The following CSGALNACT1 variants were observed in gnomAD, a reference collection of about 807,000 sequenced individuals.
The protein encoded by CSGALNACT1 is chondroitin sulfate N-acetylgalactosaminyltransferase 1.
Under a neutral mutation model 51.0 loss-of-function variants are expected in CSGALNACT1, and 52 were observed. The ratio of observed to expected loss-of-function variants is 1.02; its 90% confidence interval spans 0.82 to 1.29. CSGALNACT1 has a LOEUF of 1.29. Among genes scored for constraint, CSGALNACT1 ranks in the 50% most tolerant of loss-of-function variants. The pLI is 0.00. For missense variants in CSGALNACT1, 935 were observed against 679.2 expected (o/e 1.38, Z -4.19); for synonymous variants, 341 against 254.4 (o/e 1.34, Z -3.24).
At chr8:19,488,244 G>C (rs113491239) in intron 4 of CSGALNACT1, among the ~76,000 whole-genome samples, 2 of 151,568 alleles carry the variant, frequency 1.3e-5, no homozygotes, top group Non-Finnish European at 2.9e-5. Flanking sequence ...CAGTTACTCC[G>C]GAGGCTGAGG....
intron 3 of CSGALNACT1, among the ~76,000 whole-genome samples, chr8:19,509,547 G>T (rs112143362): frequency 1.3e-5 from 2 of 149,050 alleles, no homozygotes; most frequent in African/African-American, 5.0e-5. Context: ...GCTTGAACCC[G>T]GGAGGCAGAG....
rs184783136 is a variant in CSGALNACT1 at position 19,457,963 on chromosome 8, T to C, written c.851+463A>G. ...GGATTCAATGCATTGCAGCCACCACTAGAACAGGACAGCAGGTGAAGGCAG... is the reference window on the plus strand; with the variant it reads ...GGATTCAATGCATTGCAGCCACCACCAGAACAGGACAGCAGGTGAAGGCAG... On this transcript the variant is annotated intron_variant, in intron 5 of 9. Coordinates refer to ENST00000454498, the Ensembl canonical transcript of CSGALNACT1. 2.4e-5 allele frequency: 12 copies of C among 493,852 alleles called. No individual in the cohort carries two copies. In the Admixed American group the frequency reaches 3.1e-4, roughly 13 times the overall value. The allele number at this position is 493,852 out of a possible 1,614,324, so 30.6% of individuals were successfully genotyped here.
chr8:19,534,301 G>A (rs994011455), intron 3 of CSGALNACT1, among the ~76,000 whole-genome samples: 1 of 151,930 alleles, frequency 6.6e-6, no homozygotes, highest in Non-Finnish European at 1.5e-5. Flanking sequence ...AAAAAATACA[G>A]AAATTAGCCA....
intron 5 of CSGALNACT1, among the ~76,000 whole-genome samples, chr8:19,445,058 G>A (rs879831800): frequency 1.2e-4 from 19 of 152,196 alleles, no homozygotes; most frequent in Non-Finnish European, 2.1e-4. Context: ...AGCAATGGCA[G>A]AGATTTAAAA....
At chr8:19,652,171 A>T (rs939810022) in intron 1 of CSGALNACT1, among the ~76,000 whole-genome samples, 2 of 151,898 alleles carry the variant, frequency 1.3e-5, no homozygotes, top group Non-Finnish European at 1.5e-5. Flanking sequence ...GGCTGCTCTT[A>T]AACTTTAGGG....
chr8:19,561,455 T>C (rs1011598935), intron 3 of CSGALNACT1, among the ~76,000 whole-genome samples: 24 of 152,210 alleles, frequency 1.6e-4, no homozygotes, highest in Admixed American at 1.5e-3. Flanking sequence ...GGTTGTTTCC[T>C]ATGTATGAGT....
chr8:19,412,691 T>C (rs879008283), intron 8 of CSGALNACT1, among the ~76,000 whole-genome samples: 2 of 152,178 alleles, frequency 1.3e-5, no homozygotes, highest in Admixed American at 1.3e-4. Context: ...CTGTCACTGT[T>C]GTGAAATTTG....
intron 1 of CSGALNACT1, among the ~76,000 whole-genome samples, chr8:19,667,050 A>AG (rs1226489135): frequency 6.4e-5 from 7 of 109,040 alleles, no homozygotes; most frequent in Admixed American, 1.9e-4. Context: ...GAAGAAAGAA[A>AG]GAAAGAAAGA....
chr8:19,632,029 A>T (rs1291775633), intron 1 of CSGALNACT1, among the ~76,000 whole-genome samples: 2 of 152,230 alleles, frequency 1.3e-5, no homozygotes, highest in Non-Finnish European at 2.9e-5. Context: ...ATAGTGGAAG[A>T]TATTTTCTTA....
intron 1 of CSGALNACT1, among the ~76,000 whole-genome samples, chr8:19,643,621 G>A (rs1357157931): frequency 6.7e-6 from 1 of 149,190 alleles, no homozygotes; most frequent in Non-Finnish European, 1.5e-5. Context: ...CTGGACAAGA[G>A]AGTGAGACAC....
intron 1 of CSGALNACT1, among the ~76,000 whole-genome samples, chr8:19,690,546 C>T (rs975985904): frequency 2.0e-5 from 3 of 152,148 alleles, no homozygotes; most frequent in African/African-American, 7.2e-5. Flanking sequence ...AAATAGAAAA[C>T]ATATATAAAA....
intron 3 of CSGALNACT1, among the ~76,000 whole-genome samples, chr8:19,538,489 G>C (rs530900679): frequency 6.6e-6 from 1 of 152,260 alleles, no homozygotes; most frequent in Admixed American, 6.5e-5. Context: ...ATGAGAATGG[G>C]GGCAACAAAA....
chr8:19,467,159 A>G (rs2066895685), intron 4 of CSGALNACT1, among the ~76,000 whole-genome samples: 2 of 114,690 alleles, frequency 1.7e-5, no homozygotes, highest in South Asian at 6.0e-4. Flanking sequence ...TCACTCTGTC[A>G]CCCAGGCTGG....
At chr8:19,628,194 G>A (rs1257312215) in intron 1 of CSGALNACT1, among the ~76,000 whole-genome samples, 2 of 152,262 alleles carry the variant, frequency 1.3e-5, no homozygotes, top group East Asian at 1.9e-4. Flanking sequence ...CCAAGACTGG[G>A]TGATTTACAA....
chr8:19,409,246 C>A (rs2055080919), intron 8 of CSGALNACT1, among the ~76,000 whole-genome samples: 1 of 152,162 alleles, frequency 6.6e-6, no homozygotes. Flanking sequence ...ACCAGCTCTC[C>A]AACTCTGTTA....
chr8:19,411,901 G>A (rs2055845356), intron 8 of CSGALNACT1, among the ~76,000 whole-genome samples: 1 of 150,978 alleles, frequency 6.6e-6, no homozygotes, highest in South Asian at 2.1e-4. Flanking sequence ...TGTGACCTCG[G>A]CTCACTGCAA....
At chr8:19,698,532 A>G (rs992320789) in intron 1 of CSGALNACT1, among the ~76,000 whole-genome samples, 2 of 152,250 alleles carry the variant, frequency 1.3e-5, no homozygotes, top group African/African-American at 4.8e-5. Context: ...AACTTGCCCA[A>G]TAAGGCCGAA....
At chr8:19,654,157 TGTGA>T (rs943541823) in intron 1 of CSGALNACT1, among the ~76,000 whole-genome samples, 1 of 152,196 alleles carries the variant, frequency 6.6e-6, no homozygotes, top group African/African-American at 2.4e-5. Context: ...ATGACATCGA[TGTGA>T]GTCAGTAAGT....
intron 3 of CSGALNACT1, among the ~76,000 whole-genome samples, chr8:19,532,356 G>T (rs1033749248): frequency 1.6e-4 from 25 of 152,222 alleles, no homozygotes; most frequent in Non-Finnish European, 2.9e-4. Flanking sequence ...GGAACAATTA[G>T]GGGTGACTGG....
Sources: gnomAD v4.1 joint callset for allele counts (sites outside exome capture counted in the v4.1 genomes callset) on GRCh38, gnomAD v4.1.1 for gene constraint, MANE v1.5 for transcripts, NCBI Gene and HGNC (gene_info 2026-07-23, HGNC 2026-07-21) for gene names.